ARHGAP31: variants seen among roughly 807,000 people sequenced by gnomAD.
ARHGAP31 encodes the protein Rho GTPase activating protein 31.
In ARHGAP31, 34 loss-of-function variants were observed where a neutral mutation model predicts 113.9. That is an observed-to-expected ratio of 0.30 (90% CI 0.23 to 0.40). The LOEUF (loss-of-function observed/expected upper bound fraction) is 0.40, where lower values mean the gene tolerates loss of function less well. Ranked by LOEUF, ARHGAP31 falls within the 10% of genes least tolerant of loss-of-function variation. ARHGAP31 has a pLI of 1.00. For synonymous variants in ARHGAP31, 650 were observed against 684.8 expected, an observed-to-expected ratio of 0.95 and a Z score of 0.79; for missense variants, 1,548 against 1,767.1, an observed-to-expected ratio of 0.88 and a Z score of 2.22.
chr3:119,313,679 G>A (rs1371407795), intron 1 of ARHGAP31, among the ~76,000 whole-genome samples: 1 of 152,210 alleles, frequency 6.6e-6, no homozygotes, highest in East Asian at 1.9e-4. Flanking sequence ...AGACTTAGAA[G>A]CTGTCTGGCC....
chr3:119,364,864 G>T (rs372289727), intron 1 of ARHGAP31, among the ~76,000 whole-genome samples: 31 of 152,286 alleles, frequency 2.0e-4, no homozygotes, highest in African/African-American at 7.2e-4. Context: ...AGGCCAAGGC[G>T]GGTGGATCAC....
At chr3:119,336,119 G>A (rs971614956) in intron 1 of ARHGAP31, among the ~76,000 whole-genome samples, 2 of 152,202 alleles carry the variant, frequency 1.3e-5, no homozygotes, top group Non-Finnish European at 2.9e-5. Flanking sequence ...AGGTAGCAGT[G>A]AGCCAAGTTC....
chr3:119,381,942 C>T (rs575906573), intron 4 of ARHGAP31, among the ~76,000 whole-genome samples: 13 of 147,794 alleles, frequency 8.8e-5, no homozygotes, highest in Non-Finnish European at 5.9e-5. Context: ...GCTGAGATCG[C>T]GCCACTGCAC....
intron 2 of ARHGAP31, 145 bp downstream of exon 2, chr3:119,365,563 G>C (rs2080246494): frequency 1.3e-6 from 1 of 744,664 alleles, no homozygotes; most frequent in Admixed American, 2.0e-5. Flanking sequence ...GTGGTTTTCA[G>C]ATGCCTGACT....
At chr3:119,300,165 A>G (rs556692473) in intron 1 of ARHGAP31, among the ~76,000 whole-genome samples, 2 of 152,350 alleles carry the variant, frequency 1.3e-5, no homozygotes, top group East Asian at 3.9e-4. Flanking sequence ...CCTGGGTCTC[A>G]GTGTCCTCAC....
At position 119,413,773 on chromosome 3, in the gene ARHGAP31, G is replaced by C. The variant is rs548227740; in HGVS notation, c.1927-83G>C. On this transcript the variant is annotated intron_variant, in intron 11 of 11. Coordinates refer to ENST00000264245, the MANE Select transcript of ARHGAP31 (RefSeq NM_020754.4). ...GAACTGGCACAGGCTGGTGCTGTCA[G>C]TCCCTTCCCTCTCACTGGAAACGCT... 6.3e-6 allele frequency: 10 copies of C among 1,595,558 alleles called. No homozygotes were observed. The East Asian group carries it at 8.9e-5, about 14-fold the overall frequency.
At chr3:119,390,494 A>G (rs1322932860) in intron 6 of ARHGAP31, among the ~76,000 whole-genome samples, 2 of 152,192 alleles carry the variant, frequency 1.3e-5, no homozygotes, top group Non-Finnish European at 2.9e-5. Flanking sequence ...TGTTCAATAA[A>G]TGTTTGTTAT....
rs115630304 is a variant in ARHGAP31 at position 119,417,420 on chromosome 3, C to G, written c.*1156C>G. 7,156 of 152,002 alleles carry G rather than the reference C, an allele frequency of 0.047. 229 individuals carry two copies. Among genetic ancestry groups the G allele is most frequent in the Non-Finnish European group, 0.067 (4,544 of 68,008 alleles). 9.4% of individuals were successfully genotyped at this position (152,002 alleles called of 1,614,324 possible). ...TGTATTTTATTTTAGCCAGTGGGTC[C>G]CTTCCTTTCTCCTTTCCTCTCTACT... On this transcript the variant is annotated 3_prime_UTR_variant, in exon 12 of 12. Transcript: ENST00000264245.
At chr3:119,336,611 C>G (rs892622261) in intron 1 of ARHGAP31, among the ~76,000 whole-genome samples, 1 of 152,170 alleles carries the variant, frequency 6.6e-6, no homozygotes, top group Non-Finnish European at 1.5e-5. Flanking sequence ...AAGTTCTAAA[C>G]AATTGCTGCA....
intron 1 of ARHGAP31, among the ~76,000 whole-genome samples, chr3:119,344,046 G>A (rs537054889): frequency 2.4e-5 from 3 of 125,428 alleles, no homozygotes; most frequent in Non-Finnish European, 3.1e-5. Context: ...GCTGCTGGCC[G>A]GGGGCGCAAA....
intron 2 of ARHGAP31, among the ~76,000 whole-genome samples, 173 bp from the exon 3 acceptor site, chr3:119,368,199 G>A (rs919947586): frequency 6.6e-6 from 1 of 152,162 alleles, no homozygotes; most frequent in Admixed American, 6.5e-5. Flanking sequence ...ACCTGAAGTG[G>A]AAGTCTTCCT....
At chr3:119,330,283 G>A (rs1303466459) in intron 1 of ARHGAP31, among the ~76,000 whole-genome samples, 1 of 152,204 alleles carries the variant, frequency 6.6e-6, no homozygotes, top group African/African-American at 2.4e-5. Flanking sequence ...GGATGGCATG[G>A]CTGGATCTAC....
intron 1 of ARHGAP31, among the ~76,000 whole-genome samples, chr3:119,307,190 C>A (rs2079637954): frequency 6.6e-6 from 1 of 152,078 alleles, no homozygotes. Context: ...AGGTTTGTGA[C>A]CATGGACAAG....
rs1177558216 is a variant in ARHGAP31, at chr3:119,402,080, G to C, written c.1328G>C (p.Ser443Thr). 1 of 1,614,126 alleles carries C rather than the reference G, an allele frequency of 6.2e-7. No individual in the cohort carries two copies. The highest frequency in any genetic ancestry group is 8.5e-7 in the Non-Finnish European group (1 of 1,180,054). Reference sequence around the variant, plus strand: ...TTCCGGCCTGTTGAGGATCCGGAGAGCGAGCAAACAGCCCCAAAGATGTTG... The same window carrying C: ...TTCCGGCCTGTTGAGGATCCGGAGACCGAGCAAACAGCCCCAAAGATGTTG... ...KVFRPVEDPE[S>T]EQTAPKMLGM... Residue 443 changes from serine to threonine, a missense_variant, in exon 10 of 12, where the codon AGC becomes ACC. Ser to Thr is a moderately conservative substitution (Grantham distance 58, BLOSUM62 1). Coordinates refer to ENST00000264245, the MANE Select transcript of ARHGAP31 (RefSeq NM_020754.4).
At chr3:119,308,280 A>G (rs2107596176) in intron 1 of ARHGAP31, among the ~76,000 whole-genome samples, 1 of 152,310 alleles carries the variant, frequency 6.6e-6, no homozygotes, top group Admixed American at 6.5e-5. Flanking sequence ...TTGCTCCCAT[A>G]ACAAATTACC....
chr3:119,392,740 T>C (rs575229437), intron 7 of ARHGAP31, among the ~76,000 whole-genome samples: 142 of 152,316 alleles, frequency 9.3e-4, no homozygotes, highest in Admixed American at 4.2e-3. Flanking sequence ...TTCTCTGCAG[T>C]GATCATTGAC....
chr3:119,397,355 A>C (rs1346634677), intron 8 of ARHGAP31, among the ~76,000 whole-genome samples: 1 of 152,216 alleles, frequency 6.6e-6, no homozygotes. Context: ...TGACACAGTC[A>C]GGGGCGCCTG....
chr3:119,297,012 A>G (rs1220222614), intron 1 of ARHGAP31, among the ~76,000 whole-genome samples: 3 of 152,192 alleles, frequency 2.0e-5, no homozygotes, highest in Non-Finnish European at 4.4e-5. Flanking sequence ...GGATCAGCAA[A>G]CTTTGAAGAC....
At chr3:119,352,725 C>T (rs1002113530) in intron 1 of ARHGAP31, among the ~76,000 whole-genome samples, 22 of 152,198 alleles carry the variant, frequency 1.4e-4, no homozygotes, top group African/African-American at 5.1e-4. Context: ...CATTATTCTA[C>T]AGGCAATGGG....
Sources: allele counts gnomAD v4.1 joint callset (sites outside exome capture counted in the v4.1 genomes callset), GRCh38; gene constraint gnomAD v4.1.1; transcripts MANE v1.5; gene names NCBI Gene and HGNC (gene_info 2026-07-23, HGNC 2026-07-21).